Variants in SSBP3 observed in about 807,000 individuals in gnomAD.
SSBP3 encodes single-stranded DNA-binding protein 3.
SSBP3 carries 5 observed loss-of-function variants against 69.6 expected under a neutral mutation model. The ratio of observed to expected loss-of-function variants is 0.07; its 90% confidence interval spans 0.04 to 0.15. SSBP3 has a LOEUF of 0.15. Among genes scored for constraint, SSBP3 ranks in the 10% least tolerant of loss-of-function variants. The probability of loss-of-function intolerance (pLI) is 1.00; values close to 1 mark genes in which losing one functional copy is unlikely to be tolerated. For missense variants in SSBP3, 312 were observed against 534.0 expected (o/e 0.58, Z 4.10); for synonymous variants, 196 against 193.4 (o/e 1.01, Z -0.11).
intron 7 of SSBP3, among the ~76,000 whole-genome samples, chr1:54,255,176 G>A (rs561388442): frequency 5.4e-4 from 79 of 147,100 alleles, no homozygotes; most frequent in African/African-American, 1.9e-3. Flanking sequence ...GGGGTGGTTG[G>A]CAGGGAGGTT....
intron 4 of SSBP3, among the ~76,000 whole-genome samples, chr1:54,397,251 G>A (rs1157892831): frequency 2.0e-5 from 3 of 152,150 alleles, no homozygotes; most frequent in East Asian, 3.9e-4. Context: ...ACCTATTCCA[G>A]CCTGCACTGC....
intron 9 of SSBP3, among the ~76,000 whole-genome samples, chr1:54,243,813 G>A (rs1050222298): frequency 2.6e-5 from 4 of 152,328 alleles, no homozygotes; most frequent in East Asian, 1.9e-4. Context: ...AGGTCCAGGT[G>A]GTAGTCCTAC....
intron 4 of SSBP3, among the ~76,000 whole-genome samples, chr1:54,285,817 G>A (rs1253920664): frequency 6.6e-6 from 1 of 152,198 alleles, no homozygotes; most frequent in African/African-American, 2.4e-5. Flanking sequence ...TGGGCTAGAA[G>A]TCCCCCACGG....
intron 4 of SSBP3, among the ~76,000 whole-genome samples, chr1:54,291,330 C>T (rs922476291): frequency 4.6e-5 from 7 of 152,134 alleles, no homozygotes; most frequent in Admixed American, 6.5e-5. Context: ...CAAGTTCACC[C>T]GGGTCCCCCA....
intron 5 of SSBP3, among the ~76,000 whole-genome samples, chr1:54,263,897 T>A (rs1220170867): frequency 6.6e-6 from 1 of 152,162 alleles, no homozygotes; most frequent in Non-Finnish European, 1.5e-5. Flanking sequence ...GGAAGAAAAG[T>A]TAGTACCAAA....
At chr1:54,364,360 G>A (rs1390091885) in intron 4 of SSBP3, among the ~76,000 whole-genome samples, 2 of 152,156 alleles carry the variant, frequency 1.3e-5, no homozygotes, top group African/African-American at 4.8e-5. Flanking sequence ...AGGTTCCAAA[G>A]AATAAAGACA....
chr1:54,402,753 T>G (rs1446404590), intron 3 of SSBP3, among the ~76,000 whole-genome samples: 1 of 152,164 alleles, frequency 6.6e-6, no homozygotes, highest in Non-Finnish European at 1.5e-5. Flanking sequence ...AGATTTTGTA[T>G]GGTCACTCCG....
intron 5 of SSBP3, among the ~76,000 whole-genome samples, chr1:54,265,042 G>C (rs1226016694): frequency 1.3e-5 from 2 of 152,174 alleles, no homozygotes; most frequent in African/African-American, 4.8e-5. Context: ...AATCCAATTT[G>C]CTCCTTGGTC....
chr1:54,233,699 G>A (rs1310251731), intron 14 of SSBP3, among the ~76,000 whole-genome samples: 7 of 145,908 alleles, frequency 4.8e-5, no homozygotes, highest in African/African-American at 7.6e-5. Flanking sequence ...CAGCCGCCCC[G>A]TCTGGGAGGG....
chr1:54,298,298 C>T (rs750101461), intron 4 of SSBP3, among the ~76,000 whole-genome samples: 3 of 152,064 alleles, frequency 2.0e-5, no homozygotes, highest in South Asian at 2.1e-4. Flanking sequence ...CCATGCCGTA[C>T]GGTCACACGG....
chr1:54,345,790 G>A (rs1254113514), intron 4 of SSBP3, among the ~76,000 whole-genome samples: 1 of 152,070 alleles, frequency 6.6e-6, no homozygotes, highest in East Asian at 1.9e-4. Context: ...CAGATTGCCT[G>A]AGCTCAGGAG....
upstream of SSBP3, among the ~76,000 whole-genome samples, chr1:54,408,331 A>G (rs1213500905): frequency 6.6e-6 from 1 of 152,250 alleles, no homozygotes; most frequent in Non-Finnish European, 1.5e-5. Flanking sequence ...TTAATTTAAT[A>G]GGGCTAACTT....
chr1:54,268,442 G>A (rs1267062350), intron 5 of SSBP3, among the ~76,000 whole-genome samples: 1 of 152,134 alleles, frequency 6.6e-6, no homozygotes, highest in Non-Finnish European at 1.5e-5. Flanking sequence ...CAGACACACG[G>A]GTGCACACAG....
chr1:54,369,534 G>A (rs1482430963), intron 4 of SSBP3, among the ~76,000 whole-genome samples: 9 of 152,344 alleles, frequency 5.9e-5, no homozygotes, highest in Admixed American at 2.0e-4. Flanking sequence ...TTAGGTGACC[G>A]TGGCAGACGG....
At chr1:54,402,886 C>T (rs906680018) in intron 3 of SSBP3, among the ~76,000 whole-genome samples, 2 of 152,286 alleles carry the variant, frequency 1.3e-5, no homozygotes, top group African/African-American at 4.8e-5. Flanking sequence ...ATCAGGAGCC[C>T]GAGGCCCAGG....
At position 54,316,672 on chromosome 1, in the gene SSBP3, ATAAAT is replaced by A. The variant is rs1557525484; in HGVS notation, c.277-35150_277-35146del. ...CAAAAAAAAAAAATAAAATAAATAA[ATAAAT>A]AAATAAATAAATAAATAAATAAATA... On this transcript the variant is annotated intron_variant, in intron 4 of 17. Coordinates refer to ENST00000610401, the Ensembl canonical transcript of SSBP3. Among the ~76,000 whole-genome samples the A allele has an allele frequency of 1.7e-3, 152 of 89,882 alleles. 7 individuals carry two copies. Among genetic ancestry groups the A allele is most frequent in the South Asian group, 3.5e-3 (11 of 3,144 alleles). The allele number at this position is 89,882 out of a possible 152,430, so 59.0% of individuals were successfully genotyped here.
chr1:54,279,718 G>C (rs1645356613), intron 5 of SSBP3, among the ~76,000 whole-genome samples: 1 of 152,226 alleles, frequency 6.6e-6, no homozygotes, highest in South Asian at 2.1e-4. Context: ...CCCGCTGATG[G>C]GTGCAGGGCG....
chr1:54,225,543 G>A (rs1403789100), exon 18 of SSBP3: 1 of 771,608 alleles, frequency 1.3e-6, no homozygotes, highest in Non-Finnish European at 1.7e-6. Context: ...CAGACTACAA[G>A]GTAAGAAAAA....
chr1:54,337,332 T>G (rs1407884109), intron 4 of SSBP3, among the ~76,000 whole-genome samples: 1 of 152,032 alleles, frequency 6.6e-6, no homozygotes, highest in Non-Finnish European at 1.5e-5. Context: ...GGTTTAACCC[T>G]TGCTTTGCAA....
Sources: gnomAD v4.1 joint callset for allele counts (sites outside exome capture counted in the v4.1 genomes callset) on GRCh38, gnomAD v4.1.1 for gene constraint, MANE v1.5 for transcripts, NCBI Gene and HGNC (gene_info 2026-07-23, HGNC 2026-07-21) for gene names.